The following PTPRK variants were observed in gnomAD, a reference collection of about 807,000 sequenced individuals.
PTPRK encodes the protein receptor-type tyrosine-protein phosphatase kappa.
Under a neutral mutation model 178.0 loss-of-function variants are expected in PTPRK, and 75 were observed. The ratio of observed to expected loss-of-function variants is 0.42; its 90% CI spans 0.35 to 0.51. The LOEUF is 0.51. Ranked by LOEUF, PTPRK falls within the 20% of genes least tolerant of loss-of-function variation. The probability of loss-of-function intolerance (pLI) is 0.02; values close to 1 mark genes in which losing one functional copy is unlikely to be tolerated. For missense variants in PTPRK, 1,441 were observed against 1,797.8 expected (o/e 0.80, Z 3.59); for synonymous variants, 637 against 620.6 (o/e 1.03, Z -0.39).
At chr6:128,426,482 CA>C (rs1425590323) in intron 1 of PTPRK, among the ~76,000 whole-genome samples, 1 of 152,132 alleles carries the variant, frequency 6.6e-6, no homozygotes, top group Non-Finnish European at 1.5e-5. Flanking sequence ...TCTCAGCACC[CA>C]ACAGAAAAAT....
chr6:128,371,629 G>A (rs1836296286), intron 2 of PTPRK, among the ~76,000 whole-genome samples: 1 of 152,126 alleles, frequency 6.6e-6, no homozygotes, highest in Admixed American at 6.6e-5. Flanking sequence ...CTAAGATACT[G>A]AAAGAACCCT....
rs140673359 is a variant in PTPRK at position 128,250,163 on chromosome 6, T to A, written c.496-7561A>T. 3.1e-3 allele frequency among the ~76,000 whole-genome samples: 470 copies of A among 152,320 alleles called. 3 individuals carry two copies. The highest frequency in any genetic ancestry group is 0.011 in the African/African-American group (440 of 41,584). On this transcript the variant is annotated intron_variant, in intron 3 of 29. Transcript: ENST00000368226. ...TTAGCTACATGTAACTGTGAATCTA[T>A]CAAACCTATTTTTCTTCCCAGTCTC...
chr6:128,158,769 G>A (rs922985266), intron 7 of PTPRK, among the ~76,000 whole-genome samples: 4 of 151,764 alleles, frequency 2.6e-5, no homozygotes, highest in Non-Finnish European at 5.9e-5. Flanking sequence ...GCCACTTCAC[G>A]TTTCCTTTCA....
At chr6:127,998,238 C>T (rs751343192) in intron 16 of PTPRK, among the ~76,000 whole-genome samples, 1 of 151,828 alleles carries the variant, frequency 6.6e-6, no homozygotes, top group Non-Finnish European at 1.5e-5. Flanking sequence ...CCACCCTCAA[C>T]CAATAATCCA....
intron 2 of PTPRK, among the ~76,000 whole-genome samples, chr6:128,349,131 A>G (rs535325923): frequency 6.6e-6 from 1 of 152,246 alleles, no homozygotes; most frequent in Admixed American, 6.5e-5. Context: ...AAAGAACTCA[A>G]ATCTGATGTC....
At chr6:128,457,731 C>T (rs1305525490) in intron 1 of PTPRK, among the ~76,000 whole-genome samples, 2 of 152,070 alleles carry the variant, frequency 1.3e-5, no homozygotes, top group Non-Finnish European at 1.5e-5. Context: ...CTAAAAATGA[C>T]AAGAGTTTGT....
At chr6:128,120,725 A>T (rs1792319068) in intron 7 of PTPRK, among the ~76,000 whole-genome samples, 1 of 151,994 alleles carries the variant, frequency 6.6e-6, no homozygotes, top group Non-Finnish European at 1.5e-5. Context: ...CAAAGAAGTC[A>T]AAACTTAAAC....
intron 2 of PTPRK, among the ~76,000 whole-genome samples, chr6:128,342,503 A>G (rs1157050968): frequency 1.3e-5 from 2 of 152,118 alleles, no homozygotes; most frequent in African/African-American, 2.4e-5. Context: ...AAGGAGGATT[A>G]AAGCCAGGTA....
At chr6:128,208,298 CA>C (rs3058186) in intron 6 of PTPRK, among the ~76,000 whole-genome samples, 1,449 of 104,992 alleles carry the variant, frequency 0.014, 9 homozygotes, top group East Asian at 0.032. Context: ...CCTACACCCT[CA>C]AAAAAAAAAA....
Position 128,268,676 on chromosome 6 carries a change from A to G in PTPRK, c.496-26074T>C, listed in dbSNP as rs545522231. 2.6e-4 allele frequency among the ~76,000 whole-genome samples: 40 copies of G among 152,184 alleles called. No individual in the cohort carries two copies. In the South Asian group the frequency reaches 8.3e-3, roughly 32 times the overall value. ...ACAATTCATTTGTTTTACAATCTCT[A>G]AAACAGAATGGCTCTAATAAAATTA... On this transcript the variant is annotated intron_variant, in intron 3 of 29. Transcript: ENST00000368226.
intron 1 of PTPRK, among the ~76,000 whole-genome samples, chr6:128,439,059 G>A (rs1263493046): frequency 6.6e-6 from 1 of 152,064 alleles, no homozygotes. Flanking sequence ...AAGTACTTTG[G>A]AGTGATCAAA....
chr6:128,210,700 T>TA (rs1807981338), intron 6 of PTPRK, among the ~76,000 whole-genome samples: 1 of 147,578 alleles, frequency 6.8e-6, no homozygotes. Context: ...AGGACTGTGA[T>TA]TTTTTTTCCC....
chr6:128,336,449 C>G (rs1409912952), intron 2 of PTPRK, among the ~76,000 whole-genome samples: 2 of 152,144 alleles, frequency 1.3e-5, no homozygotes, highest in Non-Finnish European at 2.9e-5. Flanking sequence ...ATGTCCTTCC[C>G]CTACCCCAAG....
chr6:128,368,792 A>G lies in PTPRK; in HGVS notation c.223+28774T>C, dbSNP rs185496652. Reference sequence around the variant, plus strand: ...AGTAAGGCATTTGGACTAGGTTTCTACAGTACTCTCTAGTTCCAAAGTACA... The same window carrying G: ...AGTAAGGCATTTGGACTAGGTTTCTGCAGTACTCTCTAGTTCCAAAGTACA... On this transcript the variant is annotated intron_variant, in intron 2 of 29. Coordinates refer to ENST00000368226, the MANE Select transcript of PTPRK (RefSeq NM_002844.4). Among the ~76,000 whole-genome samples, 3 of 152,288 alleles carry G rather than the reference A, an allele frequency of 2.0e-5. No homozygotes were observed. In the East Asian group the frequency reaches 5.8e-4, roughly 29 times the overall value.
Position 128,219,220 on chromosome 6 carries a change from T to C in PTPRK, c.694-124A>G, listed in dbSNP as rs530944252. 24 of 891,860 alleles carry C rather than the reference T, an allele frequency of 2.7e-5. No individual in the cohort carries two copies. In the African/African-American group the frequency reaches 3.2e-4, roughly 12 times the overall value. The allele number at this position is 891,860 out of a possible 1,614,324, so 55.2% of individuals were successfully genotyped here. A position where few individuals can be genotyped will look rare whatever the true frequency, so the allele number is the denominator to read the frequency against. ...GCAAAAGAGCCACAATTTTTTTCCA[T>C]TGTCAATCAGGAAAAGAATGTAAGT... On this transcript the variant is annotated intron_variant, in intron 5 of 29. Coordinates refer to ENST00000368226, the MANE Select transcript of PTPRK (RefSeq NM_002844.4).
At chr6:128,239,029 A>G (rs1813867443) in intron 5 of PTPRK, among the ~76,000 whole-genome samples, 1 of 152,072 alleles carries the variant, frequency 6.6e-6, no homozygotes, top group Admixed American at 6.6e-5. Flanking sequence ...AACCACCTGC[A>G]AACTAATAGT....
At chr6:128,154,848 A>G (rs1045264952) in intron 7 of PTPRK, among the ~76,000 whole-genome samples, 1 of 151,838 alleles carries the variant, frequency 6.6e-6, no homozygotes, top group African/African-American at 2.4e-5. Flanking sequence ...TATTAAACAT[A>G]CAGAAAAGTA....
intron 7 of PTPRK, among the ~76,000 whole-genome samples, chr6:128,176,856 T>C (rs1049147665): frequency 8.6e-5 from 13 of 151,660 alleles, no homozygotes; most frequent in African/African-American, 2.9e-4. Context: ...TATCATTTTT[T>C]TCAATCAAGA....
At chr6:128,357,182 T>C (rs1373891257) in intron 2 of PTPRK, among the ~76,000 whole-genome samples, 1 of 152,200 alleles carries the variant, frequency 6.6e-6, no homozygotes, top group African/African-American at 2.4e-5. Context: ...ACATTTTCTT[T>C]TGCCTGTATT....
Sources: gnomAD v4.1 joint callset for allele counts (sites outside exome capture counted in the v4.1 genomes callset) on GRCh38, gnomAD v4.1.1 for gene constraint, MANE v1.5 for transcripts, NCBI Gene and HGNC (gene_info 2026-07-23, HGNC 2026-07-21) for gene names.